VPS35L: variants seen among roughly 807,000 people sequenced by gnomAD.
VPS35L encodes the protein VPS35 endosomal protein sorting factor like, also known as VPS35 endosomal protein-sorting factor-like.
A neutral mutation model predicts 133.0 loss-of-function variants in VPS35L; 83 were observed. The observed-to-expected ratio is 0.62, with a 90% CI of 0.52 to 0.75. VPS35L has a LOEUF of 0.75. VPS35L is among the 30% of genes least tolerant of loss of function. VPS35L has a pLI of 0.00. For missense variants in VPS35L, 1,083 were observed against 1,206.8 expected (o/e 0.90, Z 1.52); for synonymous variants, 423 against 449.9 (o/e 0.94, Z 0.76).
rs1974796160 is a variant in VPS35L at position 19,669,251 on chromosome 16, C to A, written c.2313C>A (p.Phe771Leu). ...GGAAGATGCGGCCATCGGAATCGTT[C>A]CTTCTGGAATTCCTCTGCAATTTCT... The part of the protein sequence containing the change: ...IDGKMRPSES[F>L]LLEFLCNFFS... The change falls in exon 27 of 31, where the codon TTC becomes TTA. Residue 771 changes from phenylalanine (F) to leucine (L), a missense_variant. Physicochemically the swap from Phe to Leu is conservative, Grantham distance 22 (BLOSUM62 0). Transcript: ENST00000417362. The A allele has an allele frequency of 1.2e-6, 2 of 1,612,986 alleles. No individual in the cohort carries two copies. The highest frequency in any genetic ancestry group is 3.3e-5 in the Admixed American group (2 of 59,996).
At chr16:19,598,978 T>C (rs1338135562) in intron 8 of VPS35L, among the ~76,000 whole-genome samples, 2 of 152,132 alleles carry the variant, frequency 1.3e-5, no homozygotes, top group Non-Finnish European at 2.9e-5. Context: ...GAGGTAACAT[T>C]GCATGCATCC....
chr16:19,581,453 G>A (rs1387664147), intron 6 of VPS35L, 72 bp from the exon 7 acceptor site: 2 of 1,415,404 alleles, frequency 1.4e-6, no homozygotes, highest in African/African-American at 2.9e-5. Context: ...CCAATACCTA[G>A]TATTCTTTAT....
Position 19,639,277 on chromosome 16 carries a change from C to T in VPS35L, c.1699-738C>T, listed in dbSNP as rs1003494039. ...AGGAAGAGGTAGAGTAACTTGCTTA[C>T]AGCCACACAGTCACCGAGGTTAGTA... is the stretch of plus-strand genomic sequence containing the variant. On this transcript the variant is annotated intron_variant, in intron 20 of 30. Coordinates refer to ENST00000417362, the MANE Select transcript of VPS35L (RefSeq NM_020314.7). The surrounding 1 kb of genome is among the most constrained non-coding windows in gnomAD (Gnocchi z 4.1). Among the ~76,000 whole-genome samples, 6 of 152,170 alleles carry T rather than the reference C, an allele frequency of 3.9e-5. No homozygotes were observed. Among genetic ancestry groups the T allele is most frequent in the Non-Finnish European group, 7.3e-5 (5 of 68,046 alleles).
chr16:19,637,576 T>C lies in VPS35L; in HGVS notation c.1636-18T>C, dbSNP rs117893616. ...ATTAAGTTTTTAAAAATAATATTTT[T>C]GTTTGTTTGTTTTACAGCTTCAGTT... is the stretch of plus-strand genomic sequence containing the variant. On this transcript the variant is annotated intron_variant, in intron 19 of 30. Transcript: ENST00000417362. 0.013 allele frequency: 20,016 copies of C among 1,486,944 alleles called. 283 individuals are homozygous for C. The highest frequency in any genetic ancestry group is 0.057 in the African/African-American group (4,009 of 70,544). 92.1% of individuals were successfully genotyped at this position (1,486,944 alleles called of 1,614,324 possible).
rs568945726 is a variant in VPS35L at position 19,561,158 on chromosome 16, G to A, written c.18-3693G>A. 2.9e-3 allele frequency among the ~76,000 whole-genome samples: 442 copies of A among 151,858 alleles called. 4 individuals carry two copies. The highest frequency in any genetic ancestry group is 4.2e-3 in the Non-Finnish European group (283 of 67,920). Reference sequence around the variant, plus strand: ...GCCGAGGTGGGCAGATCACGAGGTCGGGAGATCGAGACCATCCTGGCTAAC... The same window carrying A: ...GCCGAGGTGGGCAGATCACGAGGTCAGGAGATCGAGACCATCCTGGCTAAC... On this transcript the variant is annotated intron_variant, in intron 1 of 30. Transcript: ENST00000417362.
chr16:19,570,848 T>C (rs1335576412), intron 3 of VPS35L, among the ~76,000 whole-genome samples: 1 of 11,900 alleles, frequency 8.4e-5, no homozygotes, highest in Non-Finnish European at 1.2e-4. Flanking sequence ...TATATATATA[T>C]ATATATATAT....
At position 19,608,394 on chromosome 16, in the gene VPS35L, C is replaced by T. The variant is rs561521341; in HGVS notation, c.881+120C>T. On this transcript the variant is annotated intron_variant, in intron 10 of 30. Coordinates refer to ENST00000417362, the MANE Select transcript of VPS35L (RefSeq NM_020314.7). The stretch of plus-strand genomic sequence containing the variant: ...TCTTATTGAAAGTTTGGTCCCGTTA[C>T]GGTTGCTAGCCTGAAAACACATACA... The T allele has an allele frequency of 5.7e-5, 43 of 759,898 alleles. No homozygotes were observed. In the South Asian group the frequency reaches 5.8e-4, roughly 10 times the overall value. The allele number at this position is 759,898 out of a possible 1,614,324, so 47.1% of individuals were successfully genotyped here.
rs1317471610 is a variant in VPS35L, at chr16:19,629,754, T to C, written c.1501-13T>C. The C allele has an allele frequency of 4.3e-6, 7 of 1,612,366 alleles. No individual in the cohort carries two copies. The highest frequency in any genetic ancestry group is 5.9e-6 in the Non-Finnish European group (7 of 1,178,506). On this transcript the variant is annotated splice_polypyrimidine_tract_variant and intron_variant, in intron 17 of 30. Coordinates refer to ENST00000417362, the MANE Select transcript of VPS35L (RefSeq NM_020314.7). ...TGTACTTAATGTTAAGATGTTTTCCTTTCTCTTTGTAGGACTACATTAATT... is the reference window on the plus strand; with the variant it reads ...TGTACTTAATGTTAAGATGTTTTCCCTTCTCTTTGTAGGACTACATTAATT...
At position 19,699,695 on chromosome 16, in the gene VPS35L, A is replaced by G. The variant is rs763056635; in HGVS notation, c.2793+47A>G. On this transcript the variant is annotated intron_variant, in intron 30 of 30. Coordinates refer to ENST00000417362, the MANE Select transcript of VPS35L (RefSeq NM_020314.7). This position sits in a 1 kb window ranked among gnomAD's most constrained non-coding sequence, Gnocchi z 4.2. ...GTGGTATAAGCCCACTGGCCAGTGCACAACCACCCTCAACACAGCATTGTG... is the reference window on the plus strand; with the variant it reads ...GTGGTATAAGCCCACTGGCCAGTGCGCAACCACCCTCAACACAGCATTGTG... 2.5e-6 allele frequency: 4 copies of G among 1,605,194 alleles called. No individual in the cohort carries two copies. In the Admixed American group the frequency reaches 5.0e-5, roughly 20 times the overall value.
chr16:19,581,721 G>A (rs761779957), intron 7 of VPS35L, 68 bp downstream of exon 7: 1 of 1,552,528 alleles, frequency 6.4e-7, no homozygotes, highest in Non-Finnish European at 8.8e-7. Flanking sequence ...GAGACTTAGA[G>A]TTTTCAGGGG....
intron 14 of VPS35L, among the ~76,000 whole-genome samples, chr16:19,620,772 G>A (rs911318363): frequency 3.3e-5 from 5 of 151,994 alleles, no homozygotes; most frequent in Non-Finnish European, 5.9e-5. Flanking sequence ...CCAACATGGC[G>A]AAACCCCATC....
intron 27 of VPS35L, among the ~76,000 whole-genome samples, chr16:19,675,627 G>A (rs1975038910): frequency 6.6e-6 from 1 of 152,114 alleles, no homozygotes; most frequent in Non-Finnish European, 1.5e-5. Flanking sequence ...TCGGCTCACT[G>A]TAACCTCTGC....
At chr16:19,572,992 A>G (rs1971428522) in intron 3 of VPS35L, 127 bp from the exon 4 acceptor site, 6 of 1,122,498 alleles carry the variant, frequency 5.3e-6, no homozygotes, top group Non-Finnish European at 7.2e-6. Context: ...TTTTTTTATG[A>G]TAGTAAACCT....
At chr16:19,570,890 T>TATATATATATATA (rs1971361160) in intron 3 of VPS35L, among the ~76,000 whole-genome samples, 7 of 113,718 alleles carry the variant, frequency 6.2e-5, no homozygotes, top group Non-Finnish European at 1.2e-4. Flanking sequence ...TATATATATA[T>TATATATATATATA]TTTTGAGATG....
At chr16:19,690,945 G>A (rs1233593009) in intron 28 of VPS35L, among the ~76,000 whole-genome samples, 1 of 150,420 alleles carries the variant, frequency 6.6e-6, no homozygotes, top group Non-Finnish European at 1.5e-5. Flanking sequence ...CTGGGTGACA[G>A]AGAGAGACTC....
chr16:19,608,414 C>T, intron 10 of VPS35L, 140 bp downstream of exon 10: 1 of 660,168 alleles, frequency 1.5e-6, no homozygotes, highest in East Asian at 2.7e-5. Flanking sequence ...CCTGAAAACA[C>T]ATACAGGGCA....
intron 7 of VPS35L, among the ~76,000 whole-genome samples, chr16:19,584,322 T>C (rs226851): frequency 0.21 from 31,339 of 152,144 alleles, 3,743 homozygotes; most frequent in East Asian, 0.34. Context: ...TTTCCACCCA[T>C]AGTGTGTAAG....
chr16:19,664,075 A>C (rs915389948), intron 26 of VPS35L, among the ~76,000 whole-genome samples: 1 of 152,158 alleles, frequency 6.6e-6, no homozygotes, highest in African/African-American at 2.4e-5. Flanking sequence ...CTGAAACTTC[A>C]GATGGAAAAT....
intron 3 of VPS35L, 145 bp from the exon 4 acceptor site, chr16:19,572,974 G>A (rs1364281415): frequency 6.6e-6 from 6 of 905,152 alleles, no homozygotes; most frequent in African/African-American, 1.7e-5. Context: ...CATGCCTGGC[G>A]CTGTAATTTT....
Sources: allele counts gnomAD v4.1 joint callset (sites outside exome capture counted in the v4.1 genomes callset), GRCh38; gene constraint gnomAD v4.1.1; non-coding constraint Gnocchi (gnomAD v3.1); transcripts MANE v1.5; gene names NCBI Gene and HGNC (gene_info 2026-07-23, HGNC 2026-07-21).